Variants in AHCTF1 observed in about 807,000 individuals in gnomAD.
The protein encoded by AHCTF1 is AT-hook containing transcription factor 1.
A neutral mutation model predicts 248.4 loss-of-function variants in AHCTF1; 24 were observed. That is an observed-to-expected ratio of 0.10 (90% CI 0.07 to 0.14). AHCTF1 has a LOEUF of 0.14. Among genes scored for constraint, AHCTF1 ranks in the 10% least tolerant of loss-of-function variants. The pLI is 1.00. For missense variants in AHCTF1, 2,206 were observed against 2,636.2 expected (o/e 0.84, Z 3.57); for synonymous variants, 786 against 929.8 (o/e 0.85, Z 2.81).
In AHCTF1 at chr1:246,851,448, T is replaced by C; in HGVS notation, c.4564-6A>G. ...AGCTTTTCTTGTTCAATCACCTAAA[T>C]GAATTAAAGATAAGAGACTGGTTAA... On this transcript the variant is annotated splice_polypyrimidine_tract_variant and splice_region_variant and intron_variant, in intron 32 of 35. Transcript: ENST00000648844. The C allele has an allele frequency of 6.3e-7, 1 of 1,593,542 alleles. No individual in the cohort carries two copies. Among genetic ancestry groups the C allele is most frequent in the East Asian group, 2.2e-5 (1 of 44,668 alleles).
chr1:246,909,449 A>G (rs1199201494), intron 4 of AHCTF1, among the ~76,000 whole-genome samples: 1 of 150,904 alleles, frequency 6.6e-6, no homozygotes, highest in African/African-American at 2.4e-5. Context: ...GAGTGGTATG[A>G]TGAAATCTGC....
At position 246,888,242 on chromosome 1, in the gene AHCTF1, C is replaced by T; in HGVS notation, c.2269-9G>A. The T allele has an allele frequency of 6.2e-7, 1 of 1,613,936 alleles. No homozygotes were observed. The highest frequency in any genetic ancestry group is 1.1e-5 in the South Asian group (1 of 91,058). ...TACATATCAAGTACTGCCTATAAAACAAAGGGATAAAACCTTCAGTGGATC... is the reference window on the plus strand; with the variant it reads ...TACATATCAAGTACTGCCTATAAAATAAAGGGATAAAACCTTCAGTGGATC... On this transcript the variant is annotated splice_polypyrimidine_tract_variant and intron_variant, in intron 18 of 35. Coordinates refer to ENST00000648844, the MANE Select transcript of AHCTF1 (RefSeq NM_001323342.2).
chr1:246,928,996 T>C lies in AHCTF1; in HGVS notation c.-8+2582A>G, dbSNP rs139374451. ...CTTCCTGACTTTAAGGAGTTTACAA[T>C]CTAGAAAAGGAGATATATAGTCAAT... On this transcript the variant is annotated intron_variant, in intron 1 of 35. Coordinates refer to ENST00000648844, the MANE Select transcript of AHCTF1 (RefSeq NM_001323342.2). Among the ~76,000 whole-genome samples the C allele has an allele frequency of 7.7e-3, 1,174 of 152,244 alleles. 23 individuals are homozygous for C. In the South Asian group the frequency reaches 0.091, roughly 12 times the overall value.
intron 33 of AHCTF1, among the ~76,000 whole-genome samples, chr1:246,845,805 A>T (rs1212343681): frequency 6.6e-6 from 1 of 152,132 alleles, no homozygotes; most frequent in Non-Finnish European, 1.5e-5. Flanking sequence ...TGACTCTGGA[A>T]ATTCAAAGAG....
At chr1:246,895,969 G>A (rs1664544589) in intron 12 of AHCTF1, 44 bp from the exon 13 acceptor site, 2 of 1,522,802 alleles carry the variant, frequency 1.3e-6, no homozygotes, top group South Asian at 1.2e-5. Context: ...AAAGAAAGAG[G>A]GTGTGAGATC....
intron 5 of AHCTF1, among the ~76,000 whole-genome samples, chr1:246,906,830 C>T (rs1266939114): frequency 6.6e-6 from 1 of 152,136 alleles, no homozygotes; most frequent in Non-Finnish European, 1.5e-5. Context: ...ATTTAAAACA[C>T]AAGTATTTTG....
At chr1:246,930,414 G>C (rs762869372) in intron 1 of AHCTF1, among the ~76,000 whole-genome samples, 1 of 152,126 alleles carries the variant, frequency 6.6e-6, no homozygotes, top group Non-Finnish European at 1.5e-5. Flanking sequence ...AAAAATCACA[G>C]TACAGAGACA....
chr1:246,867,614 T>C (rs1206613540), intron 25 of AHCTF1, 47 bp downstream of exon 25: 1 of 1,596,552 alleles, frequency 6.3e-7, no homozygotes, highest in African/African-American at 1.3e-5. Context: ...TGATGTCCAG[T>C]AAAGATTAAC....
At chr1:246,857,632 G>A (rs1661198081) in intron 30 of AHCTF1, 59 bp downstream of exon 30, 2 of 1,518,934 alleles carry the variant, frequency 1.3e-6, no homozygotes, top group Non-Finnish European at 1.8e-6. Flanking sequence ...TTTACTTCTG[G>A]TTCATAATTT....
intron 1 of AHCTF1, 120 bp from the exon 2 acceptor site, chr1:246,918,497 G>T (rs896686359): frequency 1.9e-6 from 2 of 1,027,760 alleles, no homozygotes; most frequent in East Asian, 2.9e-5. Context: ...CTAAAATCTG[G>T]TTACAAAATA....
At chr1:246,859,691 TCA>T (rs1661383369) in intron 29 of AHCTF1, among the ~76,000 whole-genome samples, 1 of 152,122 alleles carries the variant, frequency 6.6e-6, no homozygotes, top group Non-Finnish European at 1.5e-5. Flanking sequence ...TCCTCCCCTC[TCA>T]GTGTCCTGAG....
chr1:246,893,337 G>C (rs1426543651), intron 14 of AHCTF1, among the ~76,000 whole-genome samples: 1 of 152,108 alleles, frequency 6.6e-6, no homozygotes, highest in Admixed American at 6.5e-5. Flanking sequence ...TAACGAACTT[G>C]ATTGGTTTAA....
chr1:246,843,885 C>T lies in AHCTF1; in HGVS notation c.6435G>A (p.Ser2145=), dbSNP rs772807345. ...EVPAQLKELV[S]DLSSQFVISP... ...AGATGACAAACTGAGAAGATAAATC[C>T]GAAACTAATTCTTTCAGCTGTGCAG... Residue 2145 remains serine (S), a synonymous_variant, in exon 34 of 36, where the codon TCG becomes TCA. Transcript: ENST00000648844. 44 of 1,499,496 alleles carry T rather than the reference C, an allele frequency of 2.9e-5. No homozygotes were observed. The highest frequency in any genetic ancestry group is 4.5e-5 in the Admixed American group (2 of 44,750). 92.9% of individuals were successfully genotyped at this position (1,499,496 alleles called of 1,614,324 possible). A position where few individuals can be genotyped will look rare whatever the true frequency, so the allele number is the denominator to read the frequency against.
At chr1:246,848,252 C>T (rs967556737) in intron 33 of AHCTF1, among the ~76,000 whole-genome samples, 1 of 151,846 alleles carries the variant, frequency 6.6e-6, no homozygotes, top group Non-Finnish European at 1.5e-5. Flanking sequence ...ATTATTTGGC[C>T]CCCCGGGCTG....
chr1:246,911,109 T>A (rs539264305), intron 4 of AHCTF1, among the ~76,000 whole-genome samples: 26 of 152,330 alleles, frequency 1.7e-4, no homozygotes, highest in African/African-American at 6.3e-4. Flanking sequence ...ATGGTTCTGA[T>A]CACAATCCAG....
chr1:246,871,160 C>T (rs192383171), intron 24 of AHCTF1, among the ~76,000 whole-genome samples: 1 of 152,058 alleles, frequency 6.6e-6, no homozygotes, highest in Non-Finnish European at 1.5e-5. Context: ...ACATGGTGGC[C>T]ACCAAAAGGC....
chr1:246,905,454 G>A (rs907659917), intron 6 of AHCTF1, 87 bp downstream of exon 6: 40 of 1,047,052 alleles, frequency 3.8e-5, no homozygotes, highest in Admixed American at 1.1e-4. Flanking sequence ...CCGAAATCAC[G>A]CCACTGCACT....
intron 24 of AHCTF1, among the ~76,000 whole-genome samples, chr1:246,871,217 A>C (rs1158313479): frequency 6.6e-6 from 1 of 152,186 alleles, no homozygotes; most frequent in Non-Finnish European, 1.5e-5. Flanking sequence ...TAGTGAGAAA[A>C]GCTTAAAAAC....
At chr1:246,909,963 T>TA (rs1665684009) in intron 4 of AHCTF1, among the ~76,000 whole-genome samples, 1 of 152,180 alleles carries the variant, frequency 6.6e-6, no homozygotes, top group Admixed American at 6.5e-5. Context: ...ACCACTAGTT[T>TA]AAAGTTGATG....
Sources: gnomAD v4.1 joint callset for allele counts (sites outside exome capture counted in the v4.1 genomes callset) on GRCh38, gnomAD v4.1.1 for gene constraint, MANE v1.5 for transcripts, NCBI Gene and HGNC (gene_info 2026-07-23, HGNC 2026-07-21) for gene names.